The following SMG7 variants were observed in gnomAD, a reference collection of about 807,000 sequenced individuals.
SMG7 encodes SMG7 nonsense mediated mRNA decay factor.
A neutral mutation model predicts 148.2 loss-of-function variants in SMG7; 34 were observed. The ratio of observed to expected loss-of-function variants is 0.23; its 90% confidence interval spans 0.17 to 0.31. SMG7 has a LOEUF of 0.31. SMG7 is among the 10% of genes least tolerant of loss of function. The pLI, the probability that SMG7 is intolerant of heterozygous loss-of-function variation, is 1.00. For synonymous variants in SMG7, 492 were observed against 515.1 expected, an observed-to-expected ratio of 0.96 and a Z score of 0.61; for missense variants, 1,114 against 1,408.4, an observed-to-expected ratio of 0.79 and a Z score of 3.35.
intron 1 of SMG7, among the ~76,000 whole-genome samples, chr1:183,503,369 A>T (rs1384418108): frequency 2.6e-5 from 4 of 152,340 alleles, no homozygotes; most frequent in Admixed American, 2.0e-4. Flanking sequence ...GTCCAATTTT[A>T]AAAATGTATT....
At chr1:183,474,772 C>T (rs1011743989) in intron 1 of SMG7, among the ~76,000 whole-genome samples, 2 of 152,124 alleles carry the variant, frequency 1.3e-5, no homozygotes, top group Non-Finnish European at 2.9e-5. Flanking sequence ...ACAACTCCAC[C>T]CTCCTTTTAC....
At chr1:183,477,313 T>C (rs1652477855) in intron 1 of SMG7, among the ~76,000 whole-genome samples, 1 of 152,234 alleles carries the variant, frequency 6.6e-6, no homozygotes, top group African/African-American at 2.4e-5. Context: ...TCCTATGCTG[T>C]GAGTGTTTCA....
chr1:183,488,682 C>CTTTTTTT (rs55662555), intron 1 of SMG7, among the ~76,000 whole-genome samples: 13 of 75,106 alleles, frequency 1.7e-4, no homozygotes, highest in Non-Finnish European at 2.9e-4. Flanking sequence ...GTTTATAAGG[C>CTTTTTTT]TTTTTTTTTT....
chr1:183,503,189 A>C (rs1488952048), intron 1 of SMG7, among the ~76,000 whole-genome samples: 1 of 152,212 alleles, frequency 6.6e-6, no homozygotes, highest in Non-Finnish European at 1.5e-5. Flanking sequence ...ACCTGATAGA[A>C]TTGTTGTGAG....
intron 19 of SMG7, among the ~76,000 whole-genome samples, chr1:183,549,526 AAT>A (rs1421602033): frequency 6.6e-6 from 1 of 152,238 alleles, no homozygotes; most frequent in African/African-American, 2.4e-5. Context: ...TTTTGAGCCA[AAT>A]AAATTATTCA....
intron 8 of SMG7, among the ~76,000 whole-genome samples, chr1:183,530,940 G>A (rs1389181614): frequency 6.6e-6 from 1 of 152,028 alleles, no homozygotes; most frequent in Non-Finnish European, 1.5e-5. Context: ...TTTGCATTTG[G>A]TTCAACCTCA....
At position 183,542,280 on chromosome 1, in the gene SMG7, A is replaced by G. The variant is rs1377631094; in HGVS notation, c.1620A>G (p.Gly540=). 3 of 1,614,182 alleles carry G rather than the reference A, an allele frequency of 1.9e-6. No homozygotes were observed. Among genetic ancestry groups the G allele is most frequent in the Non-Finnish European group, 2.5e-6 (3 of 1,180,010 alleles). The change falls in exon 14 of 23, where the codon GGA becomes GGG. Residue 540 remains glycine, a synonymous_variant. Coordinates refer to ENST00000688051, the MANE Select transcript of SMG7 (RefSeq NM_001375584.1). Reference sequence around the variant, plus strand: ...ATTTAAGCAACAACTGTGACACAGGAGAGAAGCCAGTGGTTACCTTCAAAG... The same window carrying G: ...ATTTAAGCAACAACTGTGACACAGGGGAGAAGCCAGTGGTTACCTTCAAAG... ...SRNLSNNCDT[G]EKPVVTFKEN...
chr1:183,498,696 G>A (rs1659096367), intron 1 of SMG7, among the ~76,000 whole-genome samples: 1 of 152,136 alleles, frequency 6.6e-6, no homozygotes, highest in Non-Finnish European at 1.5e-5. Context: ...AGCCTCCCCT[G>A]TTATGAACAT....
chr1:183,515,858 T>C lies in SMG7; in HGVS notation c.62-16T>C. ...GTTTATCTATCTACCGTTATGTTTT[T>C]GTTTTTGTTACTCAGATTCTAAGCT... On this transcript the variant is annotated splice_polypyrimidine_tract_variant and intron_variant, in intron 2 of 22. Coordinates refer to ENST00000688051, the MANE Select transcript of SMG7 (RefSeq NM_001375584.1). 2 of 1,541,176 alleles carry C rather than the reference T, an allele frequency of 1.3e-6. No homozygotes were observed. The highest frequency in any genetic ancestry group is 1.8e-6 in the Non-Finnish European group (2 of 1,114,192).
intron 1 of SMG7, among the ~76,000 whole-genome samples, chr1:183,484,359 AAT>A (rs1491505652): frequency 4.9e-5 from 7 of 142,308 alleles, no homozygotes; most frequent in Non-Finnish European, 7.9e-5. Flanking sequence ...TCTGAAAAAA[AAT>A]TTTTTTTTTT....
intron 7 of SMG7, 70 bp downstream of exon 7, chr1:183,529,112 A>G (rs1666414830): frequency 6.9e-7 from 1 of 1,456,656 alleles, no homozygotes; most frequent in East Asian, 2.3e-5. Flanking sequence ...ATTCCTCATA[A>G]TTTGGTTTAC....
intron 1 of SMG7, among the ~76,000 whole-genome samples, chr1:183,494,104 C>G (rs2102238943): frequency 6.6e-6 from 1 of 152,282 alleles, no homozygotes; most frequent in East Asian, 1.9e-4. Flanking sequence ...CCTCCCACCT[C>G]AGCCTCCTGA....
intron 1 of SMG7, among the ~76,000 whole-genome samples, chr1:183,507,128 C>T (rs988341041): frequency 5.3e-5 from 8 of 152,098 alleles, no homozygotes; most frequent in South Asian, 2.1e-4. Flanking sequence ...GTCTGCCCAC[C>T]TCAGCCTCCC....
chr1:183,544,872 T>G, intron 15 of SMG7, 58 bp from the exon 16 acceptor site: 1 of 1,561,458 alleles, frequency 6.4e-7, no homozygotes, highest in Non-Finnish European at 8.7e-7. Flanking sequence ...AAAAATGACT[T>G]TTTTTGCAAT....
chr1:183,488,884 G>C (rs1656200827), intron 1 of SMG7, among the ~76,000 whole-genome samples: 1 of 151,978 alleles, frequency 6.6e-6, no homozygotes, highest in East Asian at 1.9e-4. Context: ...AGGTTTTGCT[G>C]TGTTGGCCAG....
intron 16 of SMG7, 50 bp downstream of exon 16, chr1:183,545,362 G>A (rs1669745281): frequency 3.8e-6 from 6 of 1,559,276 alleles, no homozygotes; most frequent in Non-Finnish European, 5.2e-6. Flanking sequence ...AAGGGGAAAT[G>A]CTGAAAGATT....
intron 10 of SMG7, among the ~76,000 whole-genome samples, chr1:183,535,032 A>T (rs1181189885): frequency 1.3e-5 from 2 of 152,084 alleles, no homozygotes; most frequent in East Asian, 3.8e-4. Flanking sequence ...ATTTTCAGAC[A>T]TTGCTTCCTT....
intron 1 of SMG7, among the ~76,000 whole-genome samples, chr1:183,497,194 T>G (rs1285276520): frequency 1.3e-5 from 2 of 152,230 alleles, no homozygotes; most frequent in Non-Finnish European, 2.9e-5. Context: ...TATCTCAGAC[T>G]ATCTAGATCA....
At chr1:183,547,305 G>A (rs2702182) in intron 18 of SMG7, 53 bp downstream of exon 18, 536,264 of 1,482,568 alleles carry the variant, frequency 0.36, 101,208 homozygotes, top group East Asian at 0.53. Flanking sequence ...CTGCTTCTCT[G>A]AGATACTGTA....
Sources: allele counts gnomAD v4.1 joint callset (sites outside exome capture counted in the v4.1 genomes callset), GRCh38; gene constraint gnomAD v4.1.1; transcripts MANE v1.5; gene names NCBI Gene and HGNC (gene_info 2026-07-23, HGNC 2026-07-21).